Variants in HIVEP1 observed in about 807,000 individuals in gnomAD.
The protein encoded by HIVEP1 is HIVEP zinc finger 1.
HIVEP1 carries 36 observed loss-of-function variants against 180.0 expected under a neutral mutation model. That is an observed-to-expected ratio of 0.20 (90% CI 0.15 to 0.26). The LOEUF is 0.26. Ranked by LOEUF, HIVEP1 falls within the 10% of genes least tolerant of loss-of-function variation. The pLI is 1.00. For missense variants in HIVEP1, 3,143 were observed against 3,268.7 expected, an observed-to-expected ratio of 0.96 and a Z score of 0.94; for synonymous variants, 1,239 against 1,239.0, an observed-to-expected ratio of 1.00 and a Z score of 0.00.
chr6:12,180,768 A>C, the HIVEP1 span, among the ~76,000 whole-genome samples: 1 of 152,228 alleles, frequency 6.6e-6, no homozygotes, highest in Non-Finnish European at 1.5e-5. Context: ...CAATGTTACA[A>C]ATCCACACGA....
chr6:12,121,583 T>C lies in HIVEP1; in HGVS notation c.1788T>C (p.Leu596=), dbSNP rs1179250850. ...CTAGTGCACAAAAGCAGAAGGACCTTCAGGTGACAAACGTACAGCCACTTT... is the reference window on the plus strand; with the variant it reads ...CTAGTGCACAAAAGCAGAAGGACCTCCAGGTGACAAACGTACAGCCACTTT... The part of the protein sequence containing the change: ...ELSSAQKQKD[L]QVTNVQPLSA... The change falls in exon 4 of 9, where the codon CTT becomes CTC. Residue 596 remains leucine, a synonymous_variant. Transcript: ENST00000379388. The surrounding 1 kb of genome is among the most constrained non-coding windows in gnomAD (Gnocchi z 5.3). The C allele has an allele frequency of 6.2e-7, 1 of 1,614,140 alleles. No individual in the cohort carries two copies. The highest frequency in any genetic ancestry group is 8.5e-7 in the Non-Finnish European group (1 of 1,180,026).
At chr6:12,091,731 T>C (rs953865549) in intron 3 of HIVEP1, among the ~76,000 whole-genome samples, 1 of 152,164 alleles carries the variant, frequency 6.6e-6, no homozygotes, top group African/African-American at 2.4e-5. Context: ...TTTAATTTGA[T>C]TTATTTTGAT....
At chr6:12,152,994 TAAA>T (rs1209202393) in intron 7 of HIVEP1, among the ~76,000 whole-genome samples, 2 of 152,338 alleles carry the variant, frequency 1.3e-5, no homozygotes, top group Non-Finnish European at 2.9e-5. Context: ...TTGCATATGC[TAAA>T]AAAGAAATCA....
rs1298288234 is a variant in HIVEP1 at position 12,123,232 on chromosome 6, A to T, written c.3437A>T (p.Asn1146Ile). ...CACACCAACTCCCTGAGCAGGCCCA[A>T]CTCATTTGACAAGCCTGAGCCTTTT... ...IQHTNSLSRP[N>I]SFDKPEPFER... Residue 1146 changes from asparagine (N) to isoleucine (I), a missense_variant, in exon 4 of 9, where the codon AAC becomes ATC. Asn to Ile is a moderately radical substitution (Grantham distance 149, BLOSUM62 -3). Coordinates refer to ENST00000379388, the MANE Select transcript of HIVEP1 (RefSeq NM_002114.4). 6.2e-7 allele frequency: 1 copy of T among 1,613,942 alleles called. No individual in the cohort carries two copies. The highest frequency in any genetic ancestry group is 8.5e-7 in the Non-Finnish European group (1 of 1,180,020).
At chr6:12,017,469 A>G (rs1455546100) in intron 2 of HIVEP1, among the ~76,000 whole-genome samples, 1 of 152,258 alleles carries the variant, frequency 6.6e-6, no homozygotes, top group Non-Finnish European at 1.5e-5. Context: ...AGCAAGCAGT[A>G]GCAAGATTTA....
intron 2 of HIVEP1, among the ~76,000 whole-genome samples, chr6:12,054,917 T>G (rs1417200191): frequency 6.6e-6 from 1 of 152,244 alleles, no homozygotes; most frequent in Non-Finnish European, 1.5e-5. Context: ...TTTAGAAAGT[T>G]ACCTTTGTTA....
chr6:12,180,100 T>C, the HIVEP1 span, among the ~76,000 whole-genome samples: 13 of 146,868 alleles, frequency 8.9e-5, no homozygotes, highest in Admixed American at 8.8e-4. Context: ...GGTATCCTGC[T>C]AAACACTTCA....
chr6:12,066,438 T>C (rs1160627221), intron 2 of HIVEP1, among the ~76,000 whole-genome samples: 1 of 152,218 alleles, frequency 6.6e-6, no homozygotes, highest in Non-Finnish European at 1.5e-5. Context: ...AGTTAGCTTC[T>C]TAGGCAAATG....
At chr6:12,130,976 A>T in intron 6 of HIVEP1, 34 bp downstream of exon 6, 1 of 1,516,094 alleles carries the variant, frequency 6.6e-7, no homozygotes, top group Non-Finnish European at 9.0e-7. Context: ...GGTCCTTTTA[A>T]TATGTATTTA....
At chr6:12,148,088 GA>G (rs1759478639) in intron 7 of HIVEP1, among the ~76,000 whole-genome samples, 1 of 152,180 alleles carries the variant, frequency 6.6e-6, no homozygotes, top group Non-Finnish European at 1.5e-5. Context: ...ATTTTCCAAA[GA>G]AAAATGCAAA....
rs142664002 is a variant in HIVEP1 at position 12,034,657 on chromosome 6, C to G, written c.40+18989C>G. Among the ~76,000 whole-genome samples, 71 of 152,336 alleles carry G rather than the reference C, an allele frequency of 4.7e-4. 1 individual carries two copies. The highest frequency in any genetic ancestry group is 1.6e-3 in the African/African-American group (67 of 41,566). On this transcript the variant is annotated intron_variant, in intron 2 of 8. Transcript: ENST00000379388. Reference sequence around the variant, plus strand: ...TCCATGTGAAAGCTACCCCCTCAACCCCAAGAATTCTCTTTACTTTCTGTG... The same window carrying G: ...TCCATGTGAAAGCTACCCCCTCAACGCCAAGAATTCTCTTTACTTTCTGTG...
the HIVEP1 span, among the ~76,000 whole-genome samples, chr6:12,173,971 A>G: frequency 6.6e-6 from 1 of 152,232 alleles, no homozygotes. Context: ...TGTTAAGAAC[A>G]GTTTTGATTC....
intron 2 of HIVEP1, among the ~76,000 whole-genome samples, chr6:12,058,397 A>C (rs945632486): frequency 6.6e-6 from 1 of 152,128 alleles, no homozygotes; most frequent in African/African-American, 2.4e-5. Flanking sequence ...TTTTAGTTCC[A>C]CTCCCAAGTT....
intron 2 of HIVEP1, among the ~76,000 whole-genome samples, chr6:12,051,949 T>G (rs774486777): frequency 1.3e-5 from 2 of 152,220 alleles, no homozygotes; most frequent in Admixed American, 6.5e-5. Context: ...GAGGAACTGT[T>G]CTCTCCAGTT....
chr6:12,072,163 G>A (rs1292094886), intron 2 of HIVEP1, among the ~76,000 whole-genome samples: 1 of 151,744 alleles, frequency 6.6e-6, no homozygotes, highest in African/African-American at 2.4e-5. Context: ...TGTGGACCAT[G>A]GTGCTCTGTC....
chr6:12,044,335 A>G (rs765832107), intron 2 of HIVEP1, among the ~76,000 whole-genome samples: 1 of 152,258 alleles, frequency 6.6e-6, no homozygotes, highest in African/African-American at 2.4e-5. Context: ...GGGGGAAAAT[A>G]TATTCTAATT....
chr6:12,117,798 A>C (rs1775312836), intron 3 of HIVEP1, among the ~76,000 whole-genome samples: 1 of 152,074 alleles, frequency 6.6e-6, no homozygotes, highest in South Asian at 2.1e-4. Context: ...GTGGTTTCTC[A>C]TCTCTGTTTT....
At chr6:12,010,856 C>A (rs1292108650), upstream of HIVEP1, among the ~76,000 whole-genome samples, 1 of 152,206 alleles carries the variant, frequency 6.6e-6, no homozygotes, top group African/African-American at 2.4e-5. Flanking sequence ...CACCTTGGTT[C>A]ATGCTAATTA....
chr6:12,143,176 G>C (rs1488462718), intron 7 of HIVEP1, among the ~76,000 whole-genome samples: 4 of 152,158 alleles, frequency 2.6e-5, no homozygotes, highest in Non-Finnish European at 4.4e-5. Context: ...ACATCTAAAA[G>C]TTTATCCACC....
Sources: allele counts gnomAD v4.1 joint callset (sites outside exome capture counted in the v4.1 genomes callset), GRCh38; gene constraint gnomAD v4.1.1; non-coding constraint Gnocchi (gnomAD v3.1); transcripts MANE v1.5; gene names NCBI Gene and HGNC (gene_info 2026-07-23, HGNC 2026-07-21).